Variants in RPS6KC1 observed in about 807,000 individuals in gnomAD.
The protein encoded by RPS6KC1 is inactive ribosomal protein S6 kinase delta-1.
In RPS6KC1, 54 loss-of-function variants were observed where a neutral mutation model predicts 103.8. The observed-to-expected ratio is 0.52, with a 90% CI of 0.42 to 0.65. The LOEUF (loss-of-function observed/expected upper bound fraction) is 0.65, where lower values mean the gene tolerates loss of function less well. Among genes scored for constraint, RPS6KC1 ranks in the 30% least tolerant of loss-of-function variants. The pLI, the probability that RPS6KC1 is intolerant of heterozygous loss-of-function variation, is 0.00. For synonymous variants in RPS6KC1, 439 were observed against 438.7 expected, an observed-to-expected ratio of 1.00 and a Z score of -0.01; for missense variants, 1,151 against 1,253.8, an observed-to-expected ratio of 0.92 and a Z score of 1.24.
chr1:213,856,482 C>CTCCT, the RPS6KC1 span, among the ~76,000 whole-genome samples: 5 of 135,024 alleles, frequency 3.7e-5, no homozygotes, highest in Admixed American at 7.6e-5. Context: ...CCTCCCTTCC[C>CTCCT]TCCTTCCTTC....
chr1:213,363,634 C>A, the RPS6KC1 span, among the ~76,000 whole-genome samples: 3 of 28,744 alleles, frequency 1.0e-4, no homozygotes, highest in Non-Finnish European at 2.0e-4. Flanking sequence ...TGCTTTCTTT[C>A]TTTCTTTCTT....
intron 6 of RPS6KC1, among the ~76,000 whole-genome samples, chr1:213,152,356 G>C (rs1458314570): frequency 6.8e-6 from 1 of 146,746 alleles, no homozygotes; most frequent in Non-Finnish European, 1.5e-5. Flanking sequence ...CTCCCGGACG[G>C]GGCGGCTGAT....
At chr1:213,762,551 A>G in the RPS6KC1 span, among the ~76,000 whole-genome samples, 1 of 152,382 alleles carries the variant, frequency 6.6e-6, no homozygotes, top group East Asian at 1.9e-4. Flanking sequence ...ATTTGTGATC[A>G]TTTGCTAATA....
chr1:213,709,379 T>G, the RPS6KC1 span, among the ~76,000 whole-genome samples: 10 of 152,336 alleles, frequency 6.6e-5, no homozygotes, highest in South Asian at 1.2e-3. Context: ...TTGTATTCTG[T>G]GGGATCAATG....
chr1:213,672,559 A>G, the RPS6KC1 span, among the ~76,000 whole-genome samples: 1 of 152,052 alleles, frequency 6.6e-6, no homozygotes, highest in Non-Finnish European at 1.5e-5. Flanking sequence ...CCTTCCTGCT[A>G]TGTCTCTTAT....
At chr1:213,511,989 G>A in the RPS6KC1 span, among the ~76,000 whole-genome samples, 1 of 152,200 alleles carries the variant, frequency 6.6e-6, no homozygotes, top group African/African-American at 2.4e-5. Flanking sequence ...CCCGCTATGT[G>A]TTTAGTAAGA....
chr1:213,176,705 G>A (rs2091896659), intron 8 of RPS6KC1: 2 of 349,746 alleles, frequency 5.7e-6, no homozygotes, highest in African/African-American at 4.1e-5. Context: ...TAAAGGAGAA[G>A]GCGCATATTT....
the RPS6KC1 span, among the ~76,000 whole-genome samples, chr1:213,800,546 G>A: frequency 6.6e-6 from 1 of 152,078 alleles, no homozygotes; most frequent in African/African-American, 2.4e-5. Flanking sequence ...GAAGATATGA[G>A]CATAATTTCA....
At chr1:213,200,736 T>C (rs939842528) in intron 8 of RPS6KC1, among the ~76,000 whole-genome samples, 11 of 151,978 alleles carry the variant, frequency 7.2e-5, no homozygotes, top group Non-Finnish European at 1.5e-4. Flanking sequence ...CCAACGAAGG[T>C]CTAATATCCA....
the RPS6KC1 span, among the ~76,000 whole-genome samples, chr1:213,585,177 C>G: frequency 6.6e-6 from 1 of 152,166 alleles, no homozygotes; most frequent in African/African-American, 2.4e-5. Context: ...AGAGCCTACC[C>G]AGAGCCTGGC....
chr1:213,532,346 C>T, the RPS6KC1 span, among the ~76,000 whole-genome samples: 11 of 98,314 alleles, frequency 1.1e-4, no homozygotes, highest in Admixed American at 7.3e-4. Flanking sequence ...TCAGGAGTTA[C>T]AGGGGGAGGG....
chr1:213,300,006 C>T, the RPS6KC1 span, among the ~76,000 whole-genome samples: 3 of 151,772 alleles, frequency 2.0e-5, no homozygotes, highest in South Asian at 4.2e-4. Context: ...GGGGTTTCAC[C>T]GTGTTCGCCA....
chr1:213,758,370 G>C, the RPS6KC1 span, among the ~76,000 whole-genome samples: 1 of 152,100 alleles, frequency 6.6e-6, no homozygotes, highest in African/African-American at 2.4e-5. Flanking sequence ...CTGAGGTCAG[G>C]AGTTCGAGAC....
At chr1:213,747,818 A>G in the RPS6KC1 span, among the ~76,000 whole-genome samples, 12 of 152,208 alleles carry the variant, frequency 7.9e-5, no homozygotes, top group Admixed American at 7.2e-4. Flanking sequence ...GGAAGTTCAG[A>G]ACAAATAGAG....
the RPS6KC1 span, among the ~76,000 whole-genome samples, chr1:213,313,011 G>A: frequency 3.4e-3 from 524 of 152,248 alleles, 3 homozygotes; most frequent in African/African-American, 0.012. Context: ...TTTTTACTCT[G>A]AAGTTTGAGA....
the RPS6KC1 span, among the ~76,000 whole-genome samples, chr1:213,406,466 C>T: frequency 6.6e-6 from 1 of 152,040 alleles, no homozygotes; most frequent in African/African-American, 2.4e-5. Context: ...GAACTAATGG[C>T]ATGGCCACCA....
At chr1:213,446,507 T>TC in the RPS6KC1 span, among the ~76,000 whole-genome samples, 1 of 152,198 alleles carries the variant, frequency 6.6e-6, no homozygotes, top group Non-Finnish European at 1.5e-5. Context: ...CCTCAGTTTT[T>TC]CTCTTAAGGC....
chr1:213,759,642 C>A, the RPS6KC1 span, among the ~76,000 whole-genome samples: 1 of 152,218 alleles, frequency 6.6e-6, no homozygotes, highest in South Asian at 2.1e-4. Context: ...TCCTCAGCCC[C>A]CAGTACTCAG....
chr1:213,400,174 C>T, the RPS6KC1 span, among the ~76,000 whole-genome samples: 2 of 151,980 alleles, frequency 1.3e-5, no homozygotes, highest in Non-Finnish European at 2.9e-5. Context: ...ACTGACTGCT[C>T]AGGTGACATG....
Sources: gnomAD v4.1 joint callset for allele counts (sites outside exome capture counted in the v4.1 genomes callset) on GRCh38, gnomAD v4.1.1 for gene constraint, MANE v1.5 for transcripts, NCBI Gene and HGNC (gene_info 2026-07-23, HGNC 2026-07-21) for gene names.